Variants in GSAP observed in about 807,000 individuals in gnomAD.
GSAP encodes the protein gamma-secretase-activating protein.
In GSAP, 118 loss-of-function variants were observed where a neutral mutation model predicts 131.7. The observed-to-expected ratio is 0.90, with a 90% CI of 0.77 to 1.04. GSAP has a LOEUF of 1.04. GSAP is among the 50% of genes least tolerant of loss of function. GSAP has a pLI of 0.00. For missense variants in GSAP, 1,019 were observed against 1,013.2 expected (o/e 1.01, Z -0.08); for synonymous variants, 381 against 363.4 (o/e 1.05, Z -0.55).
At chr7:77,323,320 C>T (rs988193949) in intron 24 of GSAP, among the ~76,000 whole-genome samples, 2 of 152,200 alleles carry the variant, frequency 1.3e-5, no homozygotes, top group African/African-American at 2.4e-5. Context: ...CCTCCATGTA[C>T]AGAAATCATC....
At chr7:77,393,082 A>C (rs905160800) in intron 5 of GSAP, among the ~76,000 whole-genome samples, 1 of 152,068 alleles carries the variant, frequency 6.6e-6, no homozygotes, top group Non-Finnish European at 1.5e-5. Context: ...AGAAAAAAAA[A>C]CTGCATTGTA....
At chr7:77,396,691 C>G (rs1399217088) in intron 5 of GSAP, among the ~76,000 whole-genome samples, 1 of 152,056 alleles carries the variant, frequency 6.6e-6, no homozygotes. Context: ...ATCTTTTATA[C>G]CAACATCTGA....
chr7:77,385,807 A>C (rs1419758493), intron 6 of GSAP, among the ~76,000 whole-genome samples: 1 of 152,162 alleles, frequency 6.6e-6, no homozygotes, highest in African/African-American at 2.4e-5. Context: ...TGGAATAGGG[A>C]GGCCCATAGG....
At chr7:77,315,299 C>T (rs535338829) in intron 26 of GSAP, 1 of 152,272 alleles carries the variant, frequency 6.6e-6, no homozygotes, top group Non-Finnish European at 1.5e-5. Context: ...AGCTGTATTA[C>T]TCACCAGCTG....
rs1324358960 is a variant in GSAP, at chr7:77,314,470, G to A, written c.2109C>T (p.Thr703=). Reference sequence around the variant, plus strand: ...AAGGGAGACACTGGACCCCGAGGATGGTGTGCAGAGTATGAAAACCTAGGA... The same window carrying A: ...AAGGGAGACACTGGACCCCGAGGATAGTGTGCAGAGTATGAAAACCTAGGA... ...PLPPGFHTLH[T]ILGVQCLPLH... is the part of the protein sequence containing the mutation. The change falls in exon 27 of 31, where the codon ACC becomes ACT. Residue 703 remains threonine, a synonymous_variant. Transcript: ENST00000257626. 6.2e-7 allele frequency: 1 copy of A among 1,613,766 alleles called. No individual in the cohort carries two copies.
chr7:77,314,389 A>G lies in GSAP; in HGVS notation c.2190T>C (p.Ala730=). ...DSGVLLLTET[A]VIRLMKDLDN... is the part of the protein sequence containing the mutation. ...TCTTACCTTTCATGAGCCTTATGAC[A>G]GCTGTTTCAGTGAGAAGCAACACTC... The change falls in exon 27 of 31, where the codon GCT becomes GCC. Residue 730 remains alanine, a synonymous_variant. Transcript: ENST00000257626. 6.2e-7 allele frequency: 1 copy of G among 1,613,752 alleles called. No individual in the cohort carries two copies. Among genetic ancestry groups the G allele is most frequent in the East Asian group, 2.2e-5 (1 of 44,872 alleles).
chr7:77,381,507 C>T (rs1797804682), intron 7 of GSAP, among the ~76,000 whole-genome samples, 153 bp from the exon 8 acceptor site: 1 of 152,190 alleles, frequency 6.6e-6, no homozygotes, highest in Non-Finnish European at 1.5e-5. Flanking sequence ...AATCTCACAA[C>T]AGAGGTTCAA....
chr7:77,369,937 G>C (rs904814301), intron 12 of GSAP, among the ~76,000 whole-genome samples: 5 of 151,650 alleles, frequency 3.3e-5, no homozygotes, highest in Admixed American at 6.6e-5. Context: ...TGTGAAGAGT[G>C]AAGCTTATTT....
At chr7:77,387,496 A>G (rs1242316773) in intron 5 of GSAP, 48 bp from the exon 6 acceptor site, 3 of 998,618 alleles carry the variant, frequency 3.0e-6, no homozygotes, top group South Asian at 1.3e-5. Flanking sequence ...AATATCACAC[A>G]TTATTTTTTC....
intron 5 of GSAP, among the ~76,000 whole-genome samples, chr7:77,389,202 CATT>C (rs1799028177): frequency 6.6e-6 from 1 of 151,498 alleles, no homozygotes; most frequent in African/African-American, 2.4e-5. Flanking sequence ...CACGAACTGA[CATT>C]TTTTTGACCT....
intron 14 of GSAP, among the ~76,000 whole-genome samples, chr7:77,360,140 C>T (rs969378429): frequency 5.3e-5 from 8 of 152,336 alleles, no homozygotes; most frequent in Non-Finnish European, 1.2e-4. Context: ...CAAAGAATTA[C>T]ATGCTCTAAA....
intron 18 of GSAP, chr7:77,351,575 C>T: frequency 1.0e-6 from 1 of 985,748 alleles, no homozygotes; most frequent in African/African-American, 1.7e-5. Context: ...ATGGCAAACC[C>T]CAAGATTAGT....
At chr7:77,323,559 C>T in intron 24 of GSAP, 88 bp downstream of exon 24, 1 of 607,962 alleles carries the variant, frequency 1.6e-6, no homozygotes, top group Non-Finnish European at 2.9e-6. Context: ...TTGAAAAACA[C>T]ATAAATGGGT....
chr7:77,347,192 C>T (rs549327225), intron 19 of GSAP, among the ~76,000 whole-genome samples: 108 of 152,212 alleles, frequency 7.1e-4, no homozygotes, highest in Non-Finnish European at 1.2e-3. Context: ...TTTGCAATAT[C>T]CTTTATAATA....
rs780122178 is a variant in GSAP, at chr7:77,396,969, G to A, written c.367+13C>T. The A allele has an allele frequency of 3.1e-5, 48 of 1,525,712 alleles. No homozygotes were observed. The South Asian group carries it at 5.0e-4, about 16-fold the overall frequency. 94.5% of individuals were successfully genotyped at this position (1,525,712 alleles called of 1,614,324 possible). ...CATCTACCCATAGGTACTAAAAAGT[G>A]TAATTTCATTACCTGGTTGAAGTTC... On this transcript the variant is annotated intron_variant, in intron 5 of 30. Coordinates refer to ENST00000257626, the MANE Select transcript of GSAP (RefSeq NM_017439.4).
intron 1 of GSAP, among the ~76,000 whole-genome samples, chr7:77,411,058 G>GA (rs1041503024): frequency 4.7e-5 from 5 of 106,708 alleles, no homozygotes; most frequent in South Asian, 5.2e-4. Context: ...AGAATTAGCG[G>GA]AAAAAAAAGT....
chr7:77,336,547 G>A (rs1229238246), intron 19 of GSAP, among the ~76,000 whole-genome samples: 9 of 152,006 alleles, frequency 5.9e-5, no homozygotes, highest in Admixed American at 5.9e-4. Flanking sequence ...GTGCAATGGC[G>A]CAATCTTGGC....
At chr7:77,365,130 T>G (rs568434073) in intron 12 of GSAP, among the ~76,000 whole-genome samples, 1 of 151,534 alleles carries the variant, frequency 6.6e-6, no homozygotes, top group East Asian at 1.9e-4. Flanking sequence ...ATTTTATTTT[T>G]TTTAAGAGAT....
chr7:77,397,497 T>G, intron 3 of GSAP, 82 bp from the exon 4 acceptor site: 1 of 780,834 alleles, frequency 1.3e-6, no homozygotes, highest in Non-Finnish European at 2.1e-6. Context: ...CATTAAGCTC[T>G]GTGCTAAGTA....
Sources: gnomAD v4.1 joint callset for allele counts (sites outside exome capture counted in the v4.1 genomes callset) on GRCh38, gnomAD v4.1.1 for gene constraint, MANE v1.5 for transcripts, NCBI Gene and HGNC (gene_info 2026-07-23, HGNC 2026-07-21) for gene names.